FBN2: variants seen among roughly 807,000 people sequenced by gnomAD.
FBN2 encodes fibrillin-2.
A neutral mutation model predicts 355.6 loss-of-function variants in FBN2; 105 were observed. That is an observed-to-expected ratio of 0.30 (90% confidence interval 0.25 to 0.35). The LOEUF (loss-of-function observed/expected upper bound fraction) is 0.35. Ranked by LOEUF, FBN2 falls within the 10% of genes least tolerant of loss-of-function variation. The pLI, the probability that FBN2 is intolerant of heterozygous loss-of-function variation, is 1.00. For synonymous variants in FBN2, 1,350 were observed against 1,301.2 expected (o/e 1.04, Z -0.81); for missense variants, 3,280 against 3,758.7 (o/e 0.87, Z 3.33).
At chr5:128,436,835 C>T (rs1412742908) in intron 7 of FBN2, among the ~76,000 whole-genome samples, 1 of 152,126 alleles carries the variant, frequency 6.6e-6, no homozygotes, top group Non-Finnish European at 1.5e-5. Flanking sequence ...GGCAGTTATT[C>T]CCTCACCAAT....
Position 128,330,626 on chromosome 5 carries a change from G to T in FBN2, c.4292C>A (p.Ser1431Ter). The T allele has an allele frequency of 6.2e-7, 1 of 1,614,046 alleles. No homozygotes were observed. Among genetic ancestry groups the T allele is most frequent in the Non-Finnish European group, 8.5e-7 (1 of 1,179,942 alleles). ...INAQCVNTPG[S>*]YRCACSEGFT... ...ACCTTCGGAGCAGGCACAGCGGTAT[G>T]AGCCCGGGGTATTTACACACTGAGC... Residue 1431 changes from serine to a stop codon, truncating the protein, a stop_gained, in exon 33 of 65, where the codon TCA becomes TAA. Coordinates refer to ENST00000262464, the MANE Select transcript of FBN2 (RefSeq NM_001999.4). LOFTEE classifies it high-confidence loss of function.
At chr5:128,276,731 C>T (rs753794200) in intron 58 of FBN2, among the ~76,000 whole-genome samples, 7 of 152,164 alleles carry the variant, frequency 4.6e-5, no homozygotes, top group Non-Finnish European at 7.4e-5. Flanking sequence ...CTCAGGCTGG[C>T]TGAGTCACTG....
At chr5:128,515,550 C>T (rs192247260) in intron 5 of FBN2, among the ~76,000 whole-genome samples, 64 of 152,210 alleles carry the variant, frequency 4.2e-4, no homozygotes, top group Middle Eastern at 3.4e-3. Context: ...CTTCTCAGCA[C>T]GCTTTTAGAC....
intron 19 of FBN2, among the ~76,000 whole-genome samples, chr5:128,360,307 T>C (rs1325772781): frequency 2.6e-5 from 4 of 152,078 alleles, no homozygotes; most frequent in Non-Finnish European, 5.9e-5. Flanking sequence ...ATCTAGAAAA[T>C]AGAGACTCTG....
intron 5 of FBN2, among the ~76,000 whole-genome samples, chr5:128,502,709 A>C (rs1044852013): frequency 6.6e-6 from 1 of 152,188 alleles, no homozygotes; most frequent in East Asian, 1.9e-4. Flanking sequence ...TCAGATTTTA[A>C]AATTTTACAA....
At chr5:128,381,306 T>C (rs1334522112) in intron 11 of FBN2, among the ~76,000 whole-genome samples, 1 of 152,108 alleles carries the variant, frequency 6.6e-6, no homozygotes, top group Non-Finnish European at 1.5e-5. Flanking sequence ...ATTCTCATAA[T>C]AGCAAAATAG....
chr5:128,526,690 T>C (rs949963244), intron 4 of FBN2, among the ~76,000 whole-genome samples: 1 of 151,980 alleles, frequency 6.6e-6, no homozygotes, highest in Admixed American at 6.6e-5. Context: ...GTCAAATTCA[T>C]AGAGACAGAA....
intron 38 of FBN2, 82 bp from the exon 39 acceptor site, chr5:128,311,507 T>C (rs1481615025): frequency 1.4e-6 from 2 of 1,467,746 alleles, no homozygotes; most frequent in South Asian, 2.3e-5. Context: ...AAAAGTGTGA[T>C]CTTGTAAGAA....
intron 6 of FBN2, among the ~76,000 whole-genome samples, chr5:128,462,842 G>A (rs1383196102): frequency 1.6e-4 from 24 of 152,248 alleles, no homozygotes; most frequent in Middle Eastern, 3.4e-3. Flanking sequence ...GAAATAGTGG[G>A]TTTTGGAAGT....
intron 15 of FBN2, chr5:128,371,155 A>C (rs1278024372): frequency 1.3e-5 from 2 of 152,140 alleles, no homozygotes. Context: ...AAGGAGTTCT[A>C]TCTGTAACTG....
intron 7 of FBN2, among the ~76,000 whole-genome samples, chr5:128,434,310 G>A (rs961053113): frequency 3.9e-4 from 58 of 148,186 alleles, no homozygotes; most frequent in African/African-American, 1.4e-3. Context: ...TACTCCCAAG[G>A]ATGCATCTAA....
intron 6 of FBN2, among the ~76,000 whole-genome samples, chr5:128,447,123 C>T (rs1303653613): frequency 1.3e-5 from 2 of 152,058 alleles, no homozygotes; most frequent in South Asian, 4.2e-4. Context: ...ATGTAGGTCG[C>T]CTCAGGACCC....
chr5:128,345,169 A>C (rs1751140557), intron 24 of FBN2, among the ~76,000 whole-genome samples, 188 bp downstream of exon 24: 1 of 152,204 alleles, frequency 6.6e-6, no homozygotes, highest in Non-Finnish European at 1.5e-5. Flanking sequence ...AATCTGTTTT[A>C]TCTCTTTACT....
chr5:128,410,073 A>G lies in FBN2; in HGVS notation c.953-1274T>C, dbSNP rs115438927. On this transcript the variant is annotated intron_variant, in intron 7 of 64. Transcript: ENST00000262464. ...CCAGATTCAGACATTCTATGAAATA[A>G]TATCTTCATTTGAGGCTTAACACTT... 6.3e-3 allele frequency among the ~76,000 whole-genome samples: 967 copies of G among 152,324 alleles called. 13 individuals are homozygous for G. The highest frequency in any genetic ancestry group is 0.022 in the African/African-American group (906 of 41,564).
chr5:128,422,923 T>C (rs2127018869), intron 7 of FBN2, among the ~76,000 whole-genome samples: 1 of 152,260 alleles, frequency 6.6e-6, no homozygotes, highest in Non-Finnish European at 1.5e-5. Flanking sequence ...AAGATGCAGC[T>C]GGTTTCAAAA....
chr5:128,517,612 T>C (rs1223764591), intron 5 of FBN2, among the ~76,000 whole-genome samples: 1 of 152,184 alleles, frequency 6.6e-6, no homozygotes, highest in African/African-American at 2.4e-5. Context: ...TATATATACA[T>C]CCAAATGTAT....
chr5:128,499,933 T>C (rs1755760133), intron 5 of FBN2, among the ~76,000 whole-genome samples: 1 of 152,166 alleles, frequency 6.6e-6, no homozygotes, highest in Non-Finnish European at 1.5e-5. Context: ...AACCACGACA[T>C]TAAGTATGGT....
At chr5:128,267,984 G>A (rs1272259114) in intron 62 of FBN2, among the ~76,000 whole-genome samples, 3 of 152,170 alleles carry the variant, frequency 2.0e-5, no homozygotes, top group African/African-American at 7.2e-5. Flanking sequence ...AGAGAAGCAA[G>A]AGCAAGCTAA....
chr5:128,344,974 T>G (rs1156352232), intron 24 of FBN2, among the ~76,000 whole-genome samples: 7 of 152,204 alleles, frequency 4.6e-5, no homozygotes, highest in Admixed American at 4.6e-4. Flanking sequence ...GTGCTAGGAT[T>G]ATAGGCGTGA....
Sources: allele counts gnomAD v4.1 joint callset (sites outside exome capture counted in the v4.1 genomes callset), GRCh38; gene constraint gnomAD v4.1.1; transcripts MANE v1.5; gene names NCBI Gene and HGNC (gene_info 2026-07-23, HGNC 2026-07-21).